The following USP35 variants were observed in gnomAD, a reference collection of about 807,000 sequenced individuals.
USP35 encodes ubiquitin carboxyl-terminal hydrolase 35.
In USP35, 69 loss-of-function variants were observed where a neutral mutation model predicts 83.8. The observed-to-expected ratio is 0.82, with a 90% confidence interval of 0.68 to 1.01. The LOEUF (loss-of-function observed/expected upper bound fraction) is 1.01, where lower values mean the gene tolerates loss of function less well. Ranked by LOEUF, USP35 falls within the 50% of genes least tolerant of loss-of-function variation. USP35 has a pLI of 0.00. For missense variants in USP35, 1,503 were observed against 1,362.5 expected (o/e 1.10, Z -1.62); for synonymous variants, 714 against 589.5 (o/e 1.21, Z -3.06).
downstream of USP35, chr11:78,216,367 C>T (rs1416716174): frequency 1.3e-5 from 2 of 152,200 alleles, no homozygotes; most frequent in East Asian, 1.9e-4. Context: ...GAGAGGTGGA[C>T]TTTGACCCAT....
the USP35 span, among the ~76,000 whole-genome samples, chr11:78,221,097 C>T: frequency 6.6e-6 from 1 of 152,190 alleles, no homozygotes; most frequent in Admixed American, 6.5e-5. Flanking sequence ...AGCAGAGCAC[C>T]ACCTCCTCTA....
At position 78,213,858 on chromosome 11, in the gene USP35, T is replaced by G; in HGVS notation, c.*45T>G. 2 of 1,528,348 alleles carry G rather than the reference T, an allele frequency of 1.3e-6. No individual in the cohort carries two copies. Among genetic ancestry groups the G allele is most frequent in the Non-Finnish European group, 1.7e-6 (2 of 1,149,390 alleles). The allele number at this position is 1,528,348 out of a possible 1,614,324, so 94.7% of individuals were successfully genotyped here. On this transcript the variant is annotated 3_prime_UTR_variant, in exon 11 of 11. Transcript: ENST00000529308. ...TGACCCCTTCCCTCCAGGAGCCAGGTAGGGCCTGAGGGAAGCTGTGGAGGC... is the reference window on the plus strand; with the variant it reads ...TGACCCCTTCCCTCCAGGAGCCAGGGAGGGCCTGAGGGAAGCTGTGGAGGC...
chr11:78,213,272 G>A (rs1164013410), intron 10 of USP35, among the ~76,000 whole-genome samples: 1 of 152,144 alleles, frequency 6.6e-6, no homozygotes, highest in Non-Finnish European at 1.5e-5. Flanking sequence ...CGTCCTGGTA[G>A]CAGGAGGATG....
intron 6 of USP35, among the ~76,000 whole-genome samples, chr11:78,203,921 C>G (rs1223692901): frequency 3.5e-5 from 4 of 113,048 alleles, no homozygotes; most frequent in Non-Finnish European, 6.9e-5. Flanking sequence ...GACGGAGTCT[C>G]GCTCTGTCGT....
At position 78,209,975 on chromosome 11, in the gene USP35, AGAAAGAGGAGGAGGT is replaced by A. The variant is rs1275283620; in HGVS notation, c.2122_2136del (p.Lys708_Val712del). ...AGCACCAGAGGGGAAGGAGAGAGGG[AGAAAGAGGAGGAGGT>A]GGAAGAGGAAGAAGAGAAGGTGGAG... On this transcript the variant is annotated inframe_deletion, in exon 10 of 11. Coordinates refer to ENST00000529308, the MANE Select transcript of USP35 (RefSeq NM_020798.4). 1 of 1,612,496 alleles carries A rather than the reference AGAAAGAGGAGGAGGT, an allele frequency of 6.2e-7. No homozygotes were observed. The highest frequency in any genetic ancestry group is 2.2e-5 in the East Asian group (1 of 44,844).
At position 78,215,079 on chromosome 11, in the gene USP35, C is replaced by T. The variant is rs185942861; in HGVS notation, c.*1266C>T. 5.3e-5 allele frequency among the ~76,000 whole-genome samples: 8 copies of T among 152,298 alleles called. No homozygotes were observed. In the East Asian group the frequency reaches 1.5e-3, roughly 29 times the overall value. On this transcript the variant is annotated 3_prime_UTR_variant, in exon 11 of 11. Transcript: ENST00000529308. ...TGTGAAAGCAGCAGACAGACACGCC[C>T]AGAACCCATCTCTAGACGCCTAAGA...
At chr11:78,235,441 T>C in the USP35 span, among the ~76,000 whole-genome samples, 1,724 of 152,256 alleles carry the variant, frequency 0.011, 30 homozygotes, top group African/African-American at 0.032. Context: ...CTTGAGCCAC[T>C]GCGCCCGGCT....
At chr11:78,223,676 G>A in the USP35 span, 1 of 1,591,502 alleles carries the variant, frequency 6.3e-7, no homozygotes, top group Non-Finnish European at 8.6e-7. Flanking sequence ...ATTTTCCCTG[G>A]CTAGGGAGAG....
At position 78,199,376 on chromosome 11, in the gene USP35, CCTT is replaced by C; in HGVS notation, c.807-215_807-213del. ...TTGGGGTGCTGAGAGGGCCTGGCTC[CCTT>C]CTTGGTGGGCTGGGAGCCTCAGTGT... is the stretch of plus-strand genomic sequence containing the variant. On this transcript the variant is annotated intron_variant, in intron 3 of 10. Coordinates refer to ENST00000529308, the MANE Select transcript of USP35 (RefSeq NM_020798.4). 4 of 614,158 alleles carry C rather than the reference CCTT, an allele frequency of 6.5e-6. No individual in the cohort carries two copies. The South Asian group carries it at 7.9e-5, about 12-fold the overall frequency. 38.0% of individuals were successfully genotyped at this position (614,158 alleles called of 1,614,324 possible).
At chr11:78,189,725 G>C (rs1379437104) in intron 1 of USP35, among the ~76,000 whole-genome samples, 1 of 152,182 alleles carries the variant, frequency 6.6e-6, no homozygotes, top group East Asian at 1.9e-4. Flanking sequence ...GTGTGTGGTG[G>C]GTTCCTGAGG....
chr11:78,196,303 G>C lies in USP35; in HGVS notation c.58G>C (p.Gly20Arg). ...GTCATACCCGGTCAGCGTGAAGCAG[G>C]GGCTGGTTCGGCGCGTGCTGGAGGC... Reference protein sequence around the residue: ...TSSYPVSVKQGLVRRVLEAAR... With the variant: ...TSSYPVSVKQRLVRRVLEAAR... Residue 20 changes from glycine (G) to arginine (R), a missense_variant, in exon 2 of 11, where the codon GGG becomes CGG. Transcript: ENST00000529308. This position sits in a 1 kb window ranked among gnomAD's most constrained non-coding sequence, Gnocchi z 4.8. 5 of 1,593,506 alleles carry C rather than the reference G, an allele frequency of 3.1e-6. No homozygotes were observed. Among genetic ancestry groups the C allele is most frequent in the Non-Finnish European group, 4.2e-6 (5 of 1,176,960 alleles).
downstream of USP35, chr11:78,216,106 A>C (rs1380336418): frequency 1.3e-5 from 2 of 152,700 alleles, no homozygotes; most frequent in Non-Finnish European, 2.9e-5. Context: ...CAAGCAGCTG[A>C]GCACCAGCTG....
intron 2 of USP35, among the ~76,000 whole-genome samples, chr11:78,197,682 T>C (rs1863194529): frequency 6.6e-6 from 1 of 152,054 alleles, no homozygotes. Flanking sequence ...CTAAAGGCCT[T>C]GCCCTGAAAC....
the USP35 span, chr11:78,223,594 A>G: frequency 6.2e-7 from 1 of 1,613,676 alleles, no homozygotes; most frequent in Non-Finnish European, 8.5e-7. Context: ...CATGGCCAAC[A>G]GGGTGGAAGA....
chr11:78,215,292 G>C (rs1448850356), downstream of USP35: 2 of 152,570 alleles, frequency 1.3e-5, no homozygotes, highest in African/African-American at 2.4e-5. Flanking sequence ...ACGGCAGCTG[G>C]TTCTGGGGTG....
At chr11:78,212,021 T>TATGTCC (rs1469974191) in intron 10 of USP35, among the ~76,000 whole-genome samples, 1 of 152,258 alleles carries the variant, frequency 6.6e-6, no homozygotes, top group East Asian at 1.9e-4. Flanking sequence ...TGCCTATGCC[T>TATGTCC]ATGTCCTGAA....
At chr11:78,213,534 T>G in intron 10 of USP35, 112 bp from the exon 11 acceptor site, 2 of 1,262,406 alleles carry the variant, frequency 1.6e-6, no homozygotes, top group Non-Finnish European at 2.0e-6. Context: ...TCTCTGTGTG[T>G]CCAGGCCCTG....
intron 1 of USP35, among the ~76,000 whole-genome samples, chr11:78,190,139 C>A (rs1862956987): frequency 6.6e-6 from 1 of 152,170 alleles, no homozygotes; most frequent in African/African-American, 2.4e-5. Flanking sequence ...GCTGCTCTGA[C>A]CTGGAGCAGG....
chr11:78,194,841 C>T (rs2137025153), intron 1 of USP35, among the ~76,000 whole-genome samples: 1 of 152,244 alleles, frequency 6.6e-6, no homozygotes, highest in South Asian at 2.1e-4. Context: ...CCCTCAAGAA[C>T]CATATACAGC....
Sources: allele counts gnomAD v4.1 joint callset (sites outside exome capture counted in the v4.1 genomes callset), GRCh38; gene constraint gnomAD v4.1.1; non-coding constraint Gnocchi (gnomAD v3.1); transcripts MANE v1.5; gene names NCBI Gene and HGNC (gene_info 2026-07-23, HGNC 2026-07-21).